The following AP2B1 variants were observed in gnomAD, a reference collection of about 807,000 sequenced individuals.
AP2B1 encodes adaptor related protein complex 2 subunit beta 1, also known as AP-2 complex subunit beta.
AP2B1 carries 23 observed loss-of-function variants against 102.0 expected under a neutral mutation model. The observed-to-expected ratio is 0.23, with a 90% CI of 0.16 to 0.32. AP2B1 has a LOEUF of 0.32. Ranked by LOEUF, AP2B1 falls within the 10% of genes least tolerant of loss-of-function variation. The pLI, the probability that AP2B1 is intolerant of heterozygous loss-of-function variation, is 1.00. For synonymous variants in AP2B1, 381 were observed against 421.2 expected (o/e 0.90, Z 1.17); for missense variants, 541 against 1,157.4 (o/e 0.47, Z 7.73).
intron 18 of AP2B1, among the ~76,000 whole-genome samples, chr17:35,708,660 A>G (rs1024499955): frequency 2.6e-5 from 4 of 152,216 alleles, no homozygotes; most frequent in African/African-American, 7.2e-5. Context: ...TTTAAAACTG[A>G]TATTTAAAAA....
chr17:35,662,161 C>A (rs760022348), intron 14 of AP2B1, among the ~76,000 whole-genome samples: 1 of 152,090 alleles, frequency 6.6e-6, no homozygotes, highest in Non-Finnish European at 1.5e-5. Flanking sequence ...GTGATTGATT[C>A]TTGTATGCTT....
At chr17:35,646,107 T>C (rs1034166689) in intron 12 of AP2B1, among the ~76,000 whole-genome samples, 1 of 152,246 alleles carries the variant, frequency 6.6e-6, no homozygotes, top group Non-Finnish European at 1.5e-5. Context: ...ATGCACATTA[T>C]AGTTTAAGAA....
Position 35,607,966 on chromosome 17 carries a change from A to G in AP2B1, c.280-176A>G, listed in dbSNP as rs114843578. The G allele has an allele frequency of 1.6e-3, 1,186 of 723,550 alleles. 15 individuals are homozygous for G. The African/African-American group carries it at 0.019, about 12-fold the overall frequency. 44.8% of individuals were successfully genotyped at this position (723,550 alleles called of 1,614,324 possible). On this transcript the variant is annotated intron_variant, in intron 4 of 21. Transcript: ENST00000610402. Reference sequence around the variant, plus strand: ...AATGACTTCTTCACCTAAACTCTTAAATAGGGCAGCTAAGATTTGTACTTA... The same window carrying G: ...AATGACTTCTTCACCTAAACTCTTAGATAGGGCAGCTAAGATTTGTACTTA...
At chr17:35,639,791 G>A in intron 11 of AP2B1, 31 bp downstream of exon 11, 1 of 1,596,896 alleles carries the variant, frequency 6.3e-7, no homozygotes, top group Non-Finnish European at 8.5e-7. Context: ...TATCCTAGTA[G>A]TTTTAGATGT....
At chr17:35,691,755 A>G (rs77641979) in intron 18 of AP2B1, among the ~76,000 whole-genome samples, 2,671 of 152,344 alleles carry the variant, frequency 0.018, 51 homozygotes, top group African/African-American at 0.049. Flanking sequence ...CATAAGCAGT[A>G]TGTAGGTACT....
chr17:35,674,078 C>T, intron 16 of AP2B1, 98 bp from the exon 17 acceptor site: 3 of 1,268,442 alleles, frequency 2.4e-6, no homozygotes, highest in Non-Finnish European at 3.3e-6. Flanking sequence ...AATTTGTTCA[C>T]TTAATTGTTA....
chr17:35,640,405 T>A (rs553023024), intron 11 of AP2B1, among the ~76,000 whole-genome samples: 125 of 150,680 alleles, frequency 8.3e-4, no homozygotes, highest in Non-Finnish European at 1.6e-3. Flanking sequence ...CCCAACTAAT[T>A]TTTTGTATTT....
At chr17:35,628,610 CG>C (rs144680160) in intron 9 of AP2B1, among the ~76,000 whole-genome samples, 9,516 of 151,904 alleles carry the variant, frequency 0.063, 411 homozygotes, top group Middle Eastern at 0.11. Context: ...CAGAGCAAGA[CG>C]CTGTCTCAAA....
chr17:35,696,320 T>C (rs993357066), intron 18 of AP2B1, among the ~76,000 whole-genome samples: 1 of 151,492 alleles, frequency 6.6e-6, no homozygotes, highest in South Asian at 2.1e-4. Flanking sequence ...AAAAAGAGAA[T>C]AGAATGATAG....
Position 35,598,353 on chromosome 17 carries a change from T to G in AP2B1, c.143+18T>G. On this transcript the variant is annotated intron_variant, in intron 3 of 21. Transcript: ENST00000610402. ...GATGTTAGGTAAGAGTAATCACCCT[T>G]GCCATTGATCACTTCAGAGGTCCAT... 6.4e-7 allele frequency: 1 copy of G among 1,555,180 alleles called. No homozygotes were observed. Among genetic ancestry groups the G allele is most frequent in the South Asian group, 1.1e-5 (1 of 87,926 alleles).
rs77773135 is a variant in AP2B1, at chr17:35,612,445, C to T, written c.525+4058C>T. Among the ~76,000 whole-genome samples, 640 of 152,296 alleles carry T rather than the reference C, an allele frequency of 4.2e-3. 2 individuals carry two copies. Among genetic ancestry groups the T allele is most frequent in the Non-Finnish European group, 7.5e-3 (508 of 68,024 alleles). ...AAGAGGTAGCCAACACACATAGATA[C>T]ATACCTACTTTTTATTTTGAATTTA... On this transcript the variant is annotated intron_variant, in intron 5 of 21. Transcript: ENST00000610402.
rs1167550201 is a variant in AP2B1 at position 35,680,686 on chromosome 17, G to GTTTTTTTTTTTTTTT, written c.2325-1996_2325-1995insTTTTTTTTTTTTTTT. Among the ~76,000 whole-genome samples, 10 of 59,924 alleles carry GTTTTTTTTTTTTTTT rather than the reference G, an allele frequency of 1.7e-4. 1 individual carries two copies. Among genetic ancestry groups the GTTTTTTTTTTTTTTT allele is most frequent in the African/African-American group, 4.5e-4 (6 of 13,398 alleles). The allele number at this position is 59,924 out of a possible 152,430, so 39.3% of individuals were successfully genotyped here. A position where few individuals can be genotyped will look rare whatever the true frequency, so the allele number is the denominator to read the frequency against. On this transcript the variant is annotated intron_variant, in intron 17 of 21. Coordinates refer to ENST00000610402, the MANE Select transcript of AP2B1 (RefSeq NM_001030006.2). ...CCACCATGCCCAGTCTATGGTTTTG[G>GTTTTTTTTTTTTTTT]TTTTTTTTTTTTTGTTTTTTTTTTT...
chr17:35,632,664 T>G (rs2074495324), intron 9 of AP2B1, among the ~76,000 whole-genome samples: 1 of 152,110 alleles, frequency 6.6e-6, no homozygotes, highest in Non-Finnish European at 1.5e-5. Context: ...ATGGTAGTTT[T>G]TTTTTTTTAA....
At chr17:35,601,246 A>G (rs955997000) in intron 3 of AP2B1, among the ~76,000 whole-genome samples, 5 of 152,260 alleles carry the variant, frequency 3.3e-5, no homozygotes, top group Non-Finnish European at 5.9e-5. Context: ...TACCACAGGT[A>G]TACTATTAAG....
chr17:35,620,262 C>T (rs188701154), intron 5 of AP2B1, among the ~76,000 whole-genome samples: 3 of 151,848 alleles, frequency 2.0e-5, no homozygotes, highest in Admixed American at 6.6e-5. Flanking sequence ...GGGAGGACTG[C>T]ATGAGGCCAG....
chr17:35,680,696 T>TG (rs60215592), intron 17 of AP2B1, among the ~76,000 whole-genome samples: 67,779 of 116,746 alleles, frequency 0.58, 16,335 homozygotes, highest in East Asian at 0.65. Context: ...GTTTTTTTTT[T>TG]TTTGTTTTTT....
chr17:35,628,848 T>TAC (rs2074386722), intron 9 of AP2B1, among the ~76,000 whole-genome samples: 4 of 152,226 alleles, frequency 2.6e-5, no homozygotes, highest in Non-Finnish European at 5.9e-5. Flanking sequence ...ACTGTTGGCT[T>TAC]GCAAAATTTA....
chr17:35,628,438 C>CA (rs977496564), intron 9 of AP2B1, among the ~76,000 whole-genome samples: 1 of 152,144 alleles, frequency 6.6e-6, no homozygotes, highest in Non-Finnish European at 1.5e-5. Context: ...TCTGTTTCTA[C>CA]AAAAACTTTT....
chr17:35,592,795 C>T (rs1424513424), intron 1 of AP2B1, among the ~76,000 whole-genome samples: 1 of 152,144 alleles, frequency 6.6e-6, no homozygotes, highest in African/African-American at 2.4e-5. Context: ...CACCCGGCAG[C>T]CTCACAAAGT....
Sources: gnomAD v4.1 joint callset for allele counts (sites outside exome capture counted in the v4.1 genomes callset) on GRCh38, gnomAD v4.1.1 for gene constraint, MANE v1.5 for transcripts, NCBI Gene and HGNC (gene_info 2026-07-23, HGNC 2026-07-21) for gene names.